CCDC7: variants seen among roughly 807,000 people sequenced by gnomAD.
CCDC7 encodes coiled-coil domain containing 7, also known as coiled-coil domain-containing protein 7.
A neutral mutation model predicts 196.9 loss-of-function variants in CCDC7; 183 were observed. That is an observed-to-expected ratio of 0.93 (90% CI 0.82 to 1.05). The LOEUF (loss-of-function observed/expected upper bound fraction) is 1.05. CCDC7 is among the 50% of genes least tolerant of loss of function. The pLI is 0.00. For missense variants in CCDC7, 1,540 were observed against 1,482.2 expected (o/e 1.04, Z -0.64); for synonymous variants, 525 against 484.6 (o/e 1.08, Z -1.10).
intron 21 of CCDC7, among the ~76,000 whole-genome samples, chr10:32,681,142 CT>C (rs1328633273): frequency 1.3e-5 from 2 of 152,140 alleles, no homozygotes; most frequent in Non-Finnish European, 2.9e-5. Flanking sequence ...TCAGTTACTA[CT>C]TTTTTTCATC....
At chr10:32,736,037 A>G (rs867894533) in intron 28 of CCDC7, among the ~76,000 whole-genome samples, 12 of 152,148 alleles carry the variant, frequency 7.9e-5, no homozygotes, top group South Asian at 4.1e-4. Flanking sequence ...TGTTTCATCA[A>G]TAGCATACTG....
chr10:32,696,375 A>G (rs1336764386), intron 24 of CCDC7, among the ~76,000 whole-genome samples: 1 of 152,150 alleles, frequency 6.6e-6, no homozygotes, highest in Non-Finnish European at 1.5e-5. Context: ...CAAAAGGCCC[A>G]AGAAATGAAA....
chr10:32,514,979 C>T (rs548214010), intron 9 of CCDC7, among the ~76,000 whole-genome samples: 53 of 152,258 alleles, frequency 3.5e-4, no homozygotes, highest in African/African-American at 1.1e-3. Context: ...CATGAACCAC[C>T]ATGCCTGGCA....
intron 21 of CCDC7, among the ~76,000 whole-genome samples, chr10:32,674,773 A>G (rs2074641020): frequency 6.6e-6 from 1 of 151,956 alleles, no homozygotes; most frequent in Admixed American, 6.6e-5. Context: ...TTATATACAT[A>G]TATATATTTT....
upstream of CCDC7, among the ~76,000 whole-genome samples, chr10:32,443,890 G>A (rs1278726747): frequency 6.6e-6 from 1 of 151,912 alleles, no homozygotes. Flanking sequence ...GATAGACATA[G>A]ACTTAAAAAG....
chr10:32,453,511 A>G (rs956082314), intron 2 of CCDC7, 75 bp downstream of exon 3: 3 of 1,015,194 alleles, frequency 3.0e-6, no homozygotes, highest in African/African-American at 3.4e-5. Flanking sequence ...ATATAAATTT[A>G]AAATATTTTC....
At chr10:32,565,096 G>C (rs1025490674) in intron 13 of CCDC7, among the ~76,000 whole-genome samples, 1 of 152,160 alleles carries the variant, frequency 6.6e-6, no homozygotes, top group Non-Finnish European at 1.5e-5. Context: ...TGTCTAGTGG[G>C]AACTCAGTCA....
intron 24 of CCDC7, among the ~76,000 whole-genome samples, chr10:32,711,138 A>T (rs1157310205): frequency 1.4e-5 from 2 of 144,304 alleles, no homozygotes; most frequent in African/African-American, 5.4e-5. Context: ...ATATATATAT[A>T]AATATATATA....
chr10:32,728,955 C>A, exon 27 of CCDC7: 2 of 1,607,538 alleles, frequency 1.2e-6, no homozygotes, highest in Non-Finnish European at 1.7e-6. Flanking sequence ...ACTCCAAATG[C>A]AAGAAAAGAA....
intron 21 of CCDC7, among the ~76,000 whole-genome samples, chr10:32,679,425 A>C (rs2140991975): frequency 6.6e-6 from 1 of 152,274 alleles, no homozygotes; most frequent in African/African-American, 2.4e-5. Flanking sequence ...CCTCCAGGCC[A>C]TCCTCCTGAT....
intron 28 of CCDC7, among the ~76,000 whole-genome samples, chr10:32,746,449 C>T (rs2074753132): frequency 6.6e-6 from 1 of 152,138 alleles, no homozygotes; most frequent in East Asian, 1.9e-4. Context: ...TTTGGCGCTG[C>T]AATGACTACA....
rs577281944 is a variant in CCDC7 at position 32,563,198 on chromosome 10, C to A, written c.1135-2360C>A. On this transcript the variant is annotated intron_variant, in intron 13 of 41. Coordinates refer to ENST00000639629, the Ensembl canonical transcript of CCDC7. The stretch of plus-strand genomic sequence containing the variant: ...TTCCATGCTCATGGGTAGGAAGAAT[C>A]AATATCATGAAAATGGCCATACTGC... 1.2e-4 allele frequency among the ~76,000 whole-genome samples: 18 copies of A among 152,124 alleles called. No individual in the cohort carries two copies. The South Asian group carries it at 3.5e-3, about 30-fold the overall frequency.
chr10:32,754,617 A>T (rs1202290687), intron 28 of CCDC7, among the ~76,000 whole-genome samples: 2 of 152,216 alleles, frequency 1.3e-5, no homozygotes, highest in Non-Finnish European at 2.9e-5. Context: ...ACTGCATATT[A>T]AAAAGCTGCA....
intron 13 of CCDC7, among the ~76,000 whole-genome samples, chr10:32,555,024 T>G (rs1041236492): frequency 2.0e-5 from 3 of 152,240 alleles, no homozygotes; most frequent in Non-Finnish European, 4.4e-5. Flanking sequence ...TGACAGGATC[T>G]CATTCTTTTT....
intron 11 of CCDC7, among the ~76,000 whole-genome samples, chr10:32,532,370 A>G (rs1239040394): frequency 1.3e-5 from 2 of 152,190 alleles, no homozygotes; most frequent in South Asian, 2.1e-4. Context: ...ATTGATTTAT[A>G]GTTTTATTCT....
At chr10:32,537,214 T>G (rs1455397709) in intron 11 of CCDC7, among the ~76,000 whole-genome samples, 1 of 152,184 alleles carries the variant, frequency 6.6e-6, no homozygotes, top group Non-Finnish European at 1.5e-5. Context: ...TGAGATGGTA[T>G]TTTATTATAG....
intron 20 of CCDC7, among the ~76,000 whole-genome samples, chr10:32,660,353 C>T (rs2071045404): frequency 7.1e-6 from 1 of 139,896 alleles, no homozygotes; most frequent in Non-Finnish European, 1.5e-5. Context: ...TCAATTCCCA[C>T]CTATGAGTGA....
chr10:32,543,780 TA>T (rs1167076911), intron 12 of CCDC7, among the ~76,000 whole-genome samples: 1 of 152,086 alleles, frequency 6.6e-6, no homozygotes, highest in East Asian at 1.9e-4. Flanking sequence ...AAAAGTTATT[TA>T]TTTTTTGTGT....
Position 32,753,062 on chromosome 10 carries a change from A to G in CCDC7, c.2905+23605A>G, listed in dbSNP as rs187585026. On this transcript the variant is annotated intron_variant, in intron 28 of 41. Transcript: ENST00000639629. ...GAAGAAGGGAATATGTCATTTCTCA[A>G]TATGTTTTACGTTTTTAGAGTAGAT... Among the ~76,000 whole-genome samples, 393 of 152,300 alleles carry G rather than the reference A, an allele frequency of 2.6e-3. 2 individuals are homozygous for G. The highest frequency in any genetic ancestry group is 7.3e-3 in the Admixed American group (112 of 15,290).
Sources: gnomAD v4.1 joint callset for allele counts (sites outside exome capture counted in the v4.1 genomes callset) on GRCh38, gnomAD v4.1.1 for gene constraint, MANE v1.5 for transcripts, NCBI Gene and HGNC (gene_info 2026-07-23, HGNC 2026-07-21) for gene names.